Variants in FHIT observed in about 807,000 individuals in gnomAD.
FHIT encodes the protein fragile histidine triad diadenosine triphosphatase.
A neutral mutation model predicts 17.9 loss-of-function variants in FHIT; 19 were observed. That is an observed-to-expected ratio of 1.06 (90% CI 0.74 to 1.56). The LOEUF (loss-of-function observed/expected upper bound fraction) is 1.56, where lower values mean the gene tolerates loss of function less well. Among genes scored for constraint, FHIT ranks in the 40% most tolerant of loss-of-function variants. FHIT has a pLI of 0.00. For missense variants in FHIT, 248 were observed against 189.2 expected, an observed-to-expected ratio of 1.31 and a Z score of -1.82; for synonymous variants, 81 against 69.7, an observed-to-expected ratio of 1.16 and a Z score of -0.81.
intron 5 of FHIT, among the ~76,000 whole-genome samples, chr3:60,374,780 G>A (rs1014415232): frequency 3.9e-5 from 6 of 151,972 alleles, no homozygotes; most frequent in Admixed American, 2.0e-4. Flanking sequence ...TTTTCTCAAC[G>A]TTGAGACGTG....
intron 5 of FHIT, among the ~76,000 whole-genome samples, chr3:60,060,197 C>A (rs1418481699): frequency 3.3e-5 from 5 of 149,626 alleles, no homozygotes; most frequent in Non-Finnish European, 7.4e-5. Flanking sequence ...AAAAAAAAAA[C>A]CCAAATGTTT....
intron 4 of FHIT, among the ~76,000 whole-genome samples, chr3:60,606,021 C>G (rs782372553): frequency 1.1e-4 from 16 of 152,104 alleles, no homozygotes; most frequent in Non-Finnish European, 1.9e-4. Flanking sequence ...TTATCTCGCC[C>G]AAGTCTGCCT....
chr3:60,336,779 A>G (rs546543716), intron 5 of FHIT, among the ~76,000 whole-genome samples: 1 of 152,326 alleles, frequency 6.6e-6, no homozygotes, highest in East Asian at 1.9e-4. Context: ...ACAGTAAGTT[A>G]GCAATTCAGA....
At chr3:60,241,338 G>T (rs188193921) in intron 5 of FHIT, among the ~76,000 whole-genome samples, 8 of 152,052 alleles carry the variant, frequency 5.3e-5, no homozygotes, top group Non-Finnish European at 1.2e-4. Context: ...CCATTCTAAA[G>T]AGCATTCCTT....
At chr3:61,022,936 A>G (rs761578937) in intron 3 of FHIT, among the ~76,000 whole-genome samples, 9 of 152,228 alleles carry the variant, frequency 5.9e-5, no homozygotes, top group Admixed American at 2.0e-4. Flanking sequence ...AACCAGCACA[A>G]GACAAGGATG....
At chr3:60,461,329 CTT>C (rs1374109491) in intron 5 of FHIT, among the ~76,000 whole-genome samples, 1 of 152,144 alleles carries the variant, frequency 6.6e-6, no homozygotes, top group Non-Finnish European at 1.5e-5. Context: ...ATGCAACACT[CTT>C]AAACAAATCT....
intron 4 of FHIT, among the ~76,000 whole-genome samples, chr3:60,560,030 T>C (rs1415172132): frequency 1.3e-5 from 2 of 151,848 alleles, no homozygotes; most frequent in Non-Finnish European, 2.9e-5. Flanking sequence ...CCCAACAGCT[T>C]CAGATCATAG....
chr3:60,327,386 A>G (rs1474809762), intron 5 of FHIT, among the ~76,000 whole-genome samples: 2 of 152,220 alleles, frequency 1.3e-5, no homozygotes, highest in East Asian at 3.8e-4. Context: ...CAAGCCATAC[A>G]ATCTCTGCTG....
At position 60,630,750 on chromosome 3, in the gene FHIT, C is replaced by A. The variant is rs77760184; in HGVS notation, c.-17-93771G>T. Among the ~76,000 whole-genome samples the A allele has an allele frequency of 3.9e-5, 6 of 152,232 alleles. No homozygotes were observed. In the East Asian group the frequency reaches 1.2e-3, roughly 30 times the overall value. On this transcript the variant is annotated intron_variant, in intron 4 of 9. Coordinates refer to ENST00000492590, the MANE Select transcript of FHIT (RefSeq NM_002012.4). ...TCTCCAGCTTTCTAATCCTTCCTCT[C>A]ACCCAAGACTGACCCACTCCTTGTC...
intron 5 of FHIT, among the ~76,000 whole-genome samples, chr3:60,242,473 T>C (rs989136547): frequency 2.0e-5 from 3 of 152,236 alleles, no homozygotes; most frequent in Admixed American, 6.5e-5. Context: ...TATGTATGTT[T>C]GCTTCTCCCC....
At chr3:59,861,928 T>C (rs1702423166) in intron 8 of FHIT, among the ~76,000 whole-genome samples, 1 of 152,138 alleles carries the variant, frequency 6.6e-6, no homozygotes, top group Non-Finnish European at 1.5e-5. Context: ...GTGTGTTTTT[T>C]CCCCAAAGGA....
At chr3:60,794,985 A>T (rs1219373534) in intron 4 of FHIT, among the ~76,000 whole-genome samples, 1 of 152,206 alleles carries the variant, frequency 6.6e-6, no homozygotes, top group Non-Finnish European at 1.5e-5. Flanking sequence ...CCCTTCCCCC[A>T]GATGCAATCA....
chr3:60,598,488 T>A (rs1022659836), intron 4 of FHIT, among the ~76,000 whole-genome samples: 1 of 152,116 alleles, frequency 6.6e-6, no homozygotes, highest in African/African-American at 2.4e-5. Context: ...GATAGATAAT[T>A]CCACTGGGCA....
At chr3:60,016,858 A>T (rs1160073734) in intron 5 of FHIT, among the ~76,000 whole-genome samples, 1 of 152,210 alleles carries the variant, frequency 6.6e-6, no homozygotes, top group Admixed American at 6.5e-5. Flanking sequence ...CTTTGGCCCA[A>T]ATCACCATTT....
At chr3:60,422,738 T>C (rs1332473856) in intron 5 of FHIT, among the ~76,000 whole-genome samples, 3 of 152,108 alleles carry the variant, frequency 2.0e-5, no homozygotes, top group African/African-American at 7.2e-5. Context: ...CTTCCACAAA[T>C]AGCAGCCTGG....
intron 1 of FHIT, among the ~76,000 whole-genome samples, chr3:61,200,881 C>A (rs114402059): frequency 1.3e-5 from 2 of 152,194 alleles, no homozygotes; most frequent in Non-Finnish European, 2.9e-5. Flanking sequence ...AGAATTGAAG[C>A]ACACAAACCT....
intron 5 of FHIT, among the ~76,000 whole-genome samples, chr3:60,215,564 A>AAAAAT (rs140145289): frequency 2.6e-4 from 40 of 152,296 alleles, no homozygotes; most frequent in East Asian, 5.8e-4. Flanking sequence ...CTCCATCTCA[A>AAAAAT]AAAATAAAAT....
Position 60,286,491 on chromosome 3 carries a change from T to C in FHIT, c.103+250369A>G, listed in dbSNP as rs185917150. On this transcript the variant is annotated intron_variant, in intron 5 of 9. Transcript: ENST00000492590. Reference sequence around the variant, plus strand: ...AAAGAAGCACTTGTAGAGGACATTTTCAATATTAGTGCTATCAGTTAAGTA... The same window carrying C: ...AAAGAAGCACTTGTAGAGGACATTTCCAATATTAGTGCTATCAGTTAAGTA... 4.9e-4 allele frequency among the ~76,000 whole-genome samples: 74 copies of C among 152,306 alleles called. No homozygotes were observed. In the East Asian group the frequency reaches 0.013, roughly 26 times the overall value.
chr3:59,787,488 AC>A lies in FHIT; in HGVS notation c.349-35168del, dbSNP rs1435792284. 1.9e-3 allele frequency among the ~76,000 whole-genome samples: 53 copies of A among 27,916 alleles called. No individual in the cohort carries two copies. The East Asian group carries it at 0.032, about 17-fold the overall frequency. The allele number at this position is 27,916 out of a possible 152,430, so 18.3% of individuals were successfully genotyped here. A position where few individuals can be genotyped will look rare whatever the true frequency, so the allele number is the denominator to read the frequency against. ...CAGAAGCACAAGGGGCAAAACACAC[AC>A]ACACACACACACACACACACACACA... On this transcript the variant is annotated intron_variant, in intron 8 of 9. Transcript: ENST00000492590.
Sources: allele counts gnomAD v4.1 joint callset (sites outside exome capture counted in the v4.1 genomes callset), GRCh38; gene constraint gnomAD v4.1.1; transcripts MANE v1.5; gene names NCBI Gene and HGNC (gene_info 2026-07-23, HGNC 2026-07-21).